ADGRB3: variants seen among roughly 807,000 people sequenced by gnomAD.
ADGRB3 encodes adhesion G protein-coupled receptor B3.
ADGRB3 carries 37 observed loss-of-function variants against 193.4 expected under a neutral mutation model. The ratio of observed to expected loss-of-function variants is 0.19; its 90% CI spans 0.15 to 0.25. The LOEUF is 0.25. Among genes scored for constraint, ADGRB3 ranks in the 10% least tolerant of loss-of-function variants. ADGRB3 has a pLI of 1.00. For missense variants in ADGRB3, 1,637 were observed against 1,852.9 expected, an observed-to-expected ratio of 0.88 and a Z score of 2.14; for synonymous variants, 690 against 644.2, an observed-to-expected ratio of 1.07 and a Z score of -1.08.
intron 20 of ADGRB3, among the ~76,000 whole-genome samples, chr6:69,303,138 A>G (rs1374120618): frequency 6.6e-6 from 1 of 151,966 alleles, no homozygotes; most frequent in African/African-American, 2.4e-5. Context: ...AGCAGTTAAT[A>G]GTACAAAACT....
chr6:69,105,359 T>C (rs533119650), intron 17 of ADGRB3, among the ~76,000 whole-genome samples: 36 of 152,308 alleles, frequency 2.4e-4, no homozygotes, highest in African/African-American at 8.2e-4. Flanking sequence ...GTAGCAGTGC[T>C]TCTGCTGCTA....
intron 17 of ADGRB3, among the ~76,000 whole-genome samples, chr6:69,154,620 G>T (rs568165922): frequency 6.6e-6 from 1 of 152,204 alleles, no homozygotes; most frequent in African/African-American, 2.4e-5. Flanking sequence ...CGTTTTCCCA[G>T]AGCACCCTTT....
intron 17 of ADGRB3, among the ~76,000 whole-genome samples, chr6:69,146,060 G>A (rs544731317): frequency 3.3e-5 from 5 of 152,192 alleles, no homozygotes; most frequent in African/African-American, 1.2e-4. Flanking sequence ...GCTTCACCAG[G>A]GACCCTCCCT....
chr6:69,058,976 TA>T (rs2150306215), intron 15 of ADGRB3, among the ~76,000 whole-genome samples: 1 of 152,166 alleles, frequency 6.6e-6, no homozygotes, highest in South Asian at 2.1e-4. Flanking sequence ...TCTATAATGT[TA>T]TTCATGTCAT....
At chr6:68,933,420 C>T (rs1582326431) in intron 4 of ADGRB3, among the ~76,000 whole-genome samples, 3 of 152,096 alleles carry the variant, frequency 2.0e-5, no homozygotes, top group Non-Finnish European at 2.9e-5. Flanking sequence ...GGTGAAACCC[C>T]GTCTCTACTA....
intron 3 of ADGRB3, among the ~76,000 whole-genome samples, chr6:68,824,492 C>T (rs1462923497): frequency 6.7e-6 from 1 of 148,422 alleles, no homozygotes; most frequent in East Asian, 1.9e-4. Flanking sequence ...TACAATTCAT[C>T]GGATATTTAT....
chr6:68,900,550 A>T (rs1206026040), intron 3 of ADGRB3, among the ~76,000 whole-genome samples: 6 of 152,140 alleles, frequency 3.9e-5, no homozygotes, highest in Admixed American at 3.9e-4. Flanking sequence ...AAACAAGTAG[A>T]TAGGATGACC....
At chr6:68,772,936 T>C (rs1371400322) in intron 3 of ADGRB3, among the ~76,000 whole-genome samples, 50 of 33,080 alleles carry the variant, frequency 1.5e-3, no homozygotes, top group African/African-American at 5.7e-3. Flanking sequence ...TATATATACA[T>C]ACACACACAA....
At chr6:68,701,760 G>T (rs1302529532) in intron 3 of ADGRB3, among the ~76,000 whole-genome samples, 1 of 152,042 alleles carries the variant, frequency 6.6e-6, no homozygotes, top group African/African-American at 2.4e-5. Context: ...ATTTAAATTG[G>T]CTCTTCATTA....
intron 3 of ADGRB3, among the ~76,000 whole-genome samples, chr6:68,729,947 C>A (rs1765741678): frequency 6.6e-6 from 1 of 151,232 alleles, no homozygotes; most frequent in African/African-American, 2.4e-5. Context: ...ACTAGCTTTG[C>A]CTTTGAGAAG....
intron 17 of ADGRB3, among the ~76,000 whole-genome samples, chr6:69,186,130 C>T (rs185781959): frequency 1.3e-5 from 2 of 149,150 alleles, no homozygotes; most frequent in African/African-American, 2.5e-5. Flanking sequence ...TGGGTATTCT[C>T]CTTTGGGCAT....
chr6:69,290,244 A>G (rs183598780), intron 20 of ADGRB3, among the ~76,000 whole-genome samples: 1 of 152,268 alleles, frequency 6.6e-6, no homozygotes, highest in East Asian at 1.9e-4. Context: ...AGAATTCTGA[A>G]GAAGCCTGGC....
At chr6:68,875,865 A>C (rs1056517376) in intron 3 of ADGRB3, among the ~76,000 whole-genome samples, 22 of 152,212 alleles carry the variant, frequency 1.4e-4, no homozygotes, top group East Asian at 5.8e-4. Flanking sequence ...GAGAAGGAGA[A>C]AGCCTATTAA....
chr6:69,089,541 T>A (rs1772647114), intron 17 of ADGRB3, among the ~76,000 whole-genome samples: 1 of 152,210 alleles, frequency 6.6e-6, no homozygotes, highest in East Asian at 1.9e-4. Flanking sequence ...CACTAATATA[T>A]CTCATTATCC....
intron 5 of ADGRB3, among the ~76,000 whole-genome samples, chr6:68,943,537 G>A (rs560624801): frequency 6.6e-6 from 1 of 152,192 alleles, no homozygotes; most frequent in African/African-American, 2.4e-5. Flanking sequence ...ATTTGTGACT[G>A]TTTTACCATA....
chr6:68,706,891 C>T (rs1765333635), intron 3 of ADGRB3, among the ~76,000 whole-genome samples: 3 of 152,082 alleles, frequency 2.0e-5, no homozygotes, highest in Admixed American at 2.0e-4. Flanking sequence ...GCAAGCAGCT[C>T]ACCAGATCAG....
chr6:68,833,595 C>T, intron 3 of ADGRB3, among the ~76,000 whole-genome samples: 1 of 124,128 alleles, frequency 8.1e-6, no homozygotes, highest in Non-Finnish European at 1.8e-5. Context: ...AGTATTTGAA[C>T]TTAGAATCTT....
At chr6:69,210,915 A>C (rs977771370) in intron 17 of ADGRB3, among the ~76,000 whole-genome samples, 8 of 152,066 alleles carry the variant, frequency 5.3e-5, no homozygotes, top group Admixed American at 3.3e-4. Flanking sequence ...GGAGATCGAG[A>C]CAATCCTGGC....
At chr6:68,769,004 AG>A (rs1366297629) in intron 3 of ADGRB3, among the ~76,000 whole-genome samples, 1 of 152,224 alleles carries the variant, frequency 6.6e-6, no homozygotes, top group African/African-American at 2.4e-5. Flanking sequence ...ATCCCATGCC[AG>A]TTAGAATGGT....
Sources: allele counts gnomAD v4.1 joint callset (sites outside exome capture counted in the v4.1 genomes callset), GRCh38; gene constraint gnomAD v4.1.1; transcripts MANE v1.5; gene names NCBI Gene and HGNC (gene_info 2026-07-23, HGNC 2026-07-21).